UBQLN4: variants seen among roughly 807,000 people sequenced by gnomAD.
UBQLN4 encodes ubiquilin 4.
UBQLN4 carries 11 observed loss-of-function variants against 60.4 expected under a neutral mutation model. The observed-to-expected ratio is 0.18, with a 90% CI of 0.11 to 0.30. The LOEUF (loss-of-function observed/expected upper bound fraction) is 0.30. Among genes scored for constraint, UBQLN4 ranks in the 10% least tolerant of loss-of-function variants. UBQLN4 has a pLI of 1.00. For synonymous variants in UBQLN4, 258 were observed against 313.1 expected (o/e 0.82, Z 1.86); for missense variants, 417 against 795.5 (o/e 0.52, Z 5.72).
At chr1:156,031,745 A>AT (rs1209399408), downstream of UBQLN4, among the ~76,000 whole-genome samples, 3 of 150,752 alleles carry the variant, frequency 2.0e-5, no homozygotes, top group Non-Finnish European at 3.0e-5. Context: ...GGCCTGGCTA[A>AT]TTTTTTTGTT....
chr1:156,034,474 T>G (rs1683349031), downstream of UBQLN4, among the ~76,000 whole-genome samples: 1 of 151,638 alleles, frequency 6.6e-6, no homozygotes. Context: ...ATTTTTGTAT[T>G]TTTAGTAGAG....
chr1:156,039,868 C>T (rs1020931947), intron 10 of UBQLN4, among the ~76,000 whole-genome samples: 38 of 126,700 alleles, frequency 3.0e-4, no homozygotes, highest in African/African-American at 1.1e-3. Flanking sequence ...ACCCAGGAGG[C>T]GGAGCTTGCA....
rs746178512 is a variant in UBQLN4, at chr1:156,041,594, G to A, written c.1544C>T (p.Thr515Ile). 2 of 1,612,712 alleles carry A rather than the reference G, an allele frequency of 1.2e-6. No homozygotes were observed. Among genetic ancestry groups the A allele is most frequent in the African/African-American group, 2.7e-5 (2 of 74,876 alleles). Residue 515 changes from threonine (T) to isoleucine (I), a missense_variant, in exon 10 of 11, where the codon ACT becomes ATT. Coordinates refer to ENST00000368309, the MANE Select transcript of UBQLN4 (RefSeq NM_020131.5). ...SNAGSTPEAP[T>I]SSPATPATSS... ...TGTGGCTGGCGTGGCTGGTGAGGAA[G>A]TGGGGGCCTCGGGCGTAGACCCTGC...
chr1:156,050,141 G>T lies in UBQLN4; in HGVS notation c.741+150C>A. 9.1e-7 allele frequency: 1 copy of T among 1,099,830 alleles called. No homozygotes were observed. Among genetic ancestry groups the T allele is most frequent in the Non-Finnish European group, 1.2e-6 (1 of 809,232 alleles). 68.1% of individuals were successfully genotyped at this position (1,099,830 alleles called of 1,614,324 possible). A position where few individuals can be genotyped will look rare whatever the true frequency, so the allele number is the denominator to read the frequency against. Reference sequence around the variant, plus strand: ...CTTTGACACCTGGAATTCCTGAAAAGCTAGGCCTGTCTTTTCATCCCTGTA... The same window carrying T: ...CTTTGACACCTGGAATTCCTGAAAATCTAGGCCTGTCTTTTCATCCCTGTA... On this transcript the variant is annotated intron_variant, in intron 4 of 10. Transcript: ENST00000368309. This position sits in a 1 kb window ranked among gnomAD's most constrained non-coding sequence, Gnocchi z 4.6.
chr1:156,033,112 G>T, downstream of UBQLN4: 2 of 710,824 alleles, frequency 2.8e-6, no homozygotes, highest in Middle Eastern at 7.1e-4. Context: ...GTCTGTCCAT[G>T]TTTTTGCCAA....
intron 10 of UBQLN4, among the ~76,000 whole-genome samples, chr1:156,039,136 G>T (rs1367030377): frequency 3.3e-5 from 5 of 151,262 alleles, no homozygotes. Context: ...TACAGACTGG[G>T]TCTCCCCGCG....
chr1:156,032,292 G>A (rs908218467), downstream of UBQLN4, among the ~76,000 whole-genome samples: 3 of 146,992 alleles, frequency 2.0e-5, no homozygotes, highest in African/African-American at 5.0e-5. Flanking sequence ...GTGAGCCACC[G>A]CGCCCGGCCA....
At chr1:156,033,872 A>C (rs1045684135), downstream of UBQLN4, among the ~76,000 whole-genome samples, 2 of 151,336 alleles carry the variant, frequency 1.3e-5, no homozygotes, top group Admixed American at 6.6e-5. Context: ...AAAAAAAAAC[A>C]AAAACAAAAC....
rs1683764974 is a variant in UBQLN4 at position 156,048,117 on chromosome 1, C to T, written c.900+384G>A. 6.6e-6 allele frequency among the ~76,000 whole-genome samples: 1 copy of T among 151,962 alleles called. No homozygotes were observed. The highest frequency in any genetic ancestry group is 2.4e-5 in the African/African-American group (1 of 41,380). On this transcript the variant is annotated intron_variant, in intron 5 of 10. Transcript: ENST00000368309. The surrounding 1 kb of genome is among the most constrained non-coding windows in gnomAD (Gnocchi z 4.9). ...CAATAAGTAGCTCAAAGGTGGGGACCAGGATTCTCATTATCAACAAGGTCC... is the reference window on the plus strand; with the variant it reads ...CAATAAGTAGCTCAAAGGTGGGGACTAGGATTCTCATTATCAACAAGGTCC...
intron 5 of UBQLN4, among the ~76,000 whole-genome samples, chr1:156,047,399 A>G (rs1683732754): frequency 6.6e-6 from 1 of 151,650 alleles, no homozygotes; most frequent in African/African-American, 2.4e-5. Context: ...ATGTGCCATC[A>G]TGCCCGGCTA....
At chr1:156,049,647 T>C (rs1187588508) in intron 4 of UBQLN4, among the ~76,000 whole-genome samples, 1 of 152,250 alleles carries the variant, frequency 6.6e-6, no homozygotes, top group African/African-American at 2.4e-5. Flanking sequence ...CACCAGGCAC[T>C]GTTCTAGACA....
chr1:156,034,825 C>CTATATATATA (rs34720108), downstream of UBQLN4, among the ~76,000 whole-genome samples: 358 of 46,298 alleles, frequency 7.7e-3, 12 homozygotes, highest in Non-Finnish European at 1.0e-2. Flanking sequence ...CCTTAACCTT[C>CTATATATATA]TATATATATA....
Position 156,044,117 on chromosome 1 carries a change from G to A in UBQLN4, c.1007C>T (p.Ser336Leu), listed in dbSNP as rs765996825. Residue 336 changes from serine to leucine, a missense_variant, in exon 6 of 11, where the codon TCG (serine) becomes TTG (leucine). Physicochemically the swap from Ser to Leu is moderately radical, Grantham distance 145. Transcript: ENST00000368309. ...REPLPNPWSP[S>L]PPTSQAPGSG... ...CCCGGGGGCCTGGGAGGTGGGGGGC[G>A]AGGGGCTCCAGGGGTTAGGGAGGGG... The A allele has an allele frequency of 1.3e-5, 20 of 1,587,482 alleles. No individual in the cohort carries two copies. Among genetic ancestry groups the A allele is most frequent in the Non-Finnish European group, 1.7e-6 (2 of 1,167,158 alleles).
At chr1:156,042,952 G>C in intron 6 of UBQLN4, 39 bp from the exon 7 acceptor site, 1 of 1,602,486 alleles carries the variant, frequency 6.2e-7, no homozygotes, top group Middle Eastern at 1.7e-4. Context: ...GGAGAGAAAG[G>C]GTCCAGATGG....
At chr1:156,032,513 GAAAAA>G (rs201947466), downstream of UBQLN4, among the ~76,000 whole-genome samples, 9 of 118,998 alleles carry the variant, frequency 7.6e-5, no homozygotes, top group East Asian at 2.6e-3. Context: ...CTCCGTCTCA[GAAAAA>G]AAAAAAAAAA....
At chr1:156,043,619 T>C (rs768664254) in intron 6 of UBQLN4, among the ~76,000 whole-genome samples, 5 of 152,136 alleles carry the variant, frequency 3.3e-5, no homozygotes, top group Non-Finnish European at 7.4e-5. Context: ...TGTTCTTCTG[T>C]ACATGGCAAG....
intron 5 of UBQLN4, among the ~76,000 whole-genome samples, chr1:156,047,450 A>C (rs1340599982): frequency 6.7e-6 from 1 of 150,338 alleles, no homozygotes; most frequent in Admixed American, 6.6e-5. Context: ...TCACCATTTT[A>C]GCCAGGATGG....
In UBQLN4 at chr1:156,048,467, C is replaced by T; in HGVS notation, c.900+34G>A. 1.3e-6 allele frequency: 2 copies of T among 1,577,484 alleles called. No homozygotes were observed. Among genetic ancestry groups the T allele is most frequent in the South Asian group, 2.2e-5 (2 of 89,314 alleles). ...GGGGGTAGGGAATCTCGAGCCCAGA[C>T]AGCCCAACCCACTACCCTGGCCCTT... On this transcript the variant is annotated intron_variant, in intron 5 of 10. Transcript: ENST00000368309. This position sits in a 1 kb window ranked among gnomAD's most constrained non-coding sequence, Gnocchi z 4.9.
At chr1:156,032,659 T>G (rs1164746670), downstream of UBQLN4, among the ~76,000 whole-genome samples, 1 of 152,214 alleles carries the variant, frequency 6.6e-6, no homozygotes, top group Non-Finnish European at 1.5e-5. Flanking sequence ...CTCTGCTGTC[T>G]GCTCAGTTCT....
Sources: gnomAD v4.1 joint callset for allele counts (sites outside exome capture counted in the v4.1 genomes callset) on GRCh38, gnomAD v4.1.1 for gene constraint, Gnocchi (gnomAD v3.1) non-coding constraint, MANE v1.5 for transcripts, NCBI Gene and HGNC (gene_info 2026-07-23, HGNC 2026-07-21) for gene names.